Variants in NRXN1 observed in about 807,000 individuals in gnomAD.
NRXN1 encodes the protein neurexin-1.
In NRXN1, 39 loss-of-function variants were observed where a neutral mutation model predicts 150.9. That is an observed-to-expected ratio of 0.26 (90% CI 0.20 to 0.34). The LOEUF (loss-of-function observed/expected upper bound fraction) is 0.34, where lower values mean the gene tolerates loss of function less well. Among genes scored for constraint, NRXN1 ranks in the 10% least tolerant of loss-of-function variants. The probability of loss-of-function intolerance (pLI) is 1.00; values close to 1 mark genes in which losing one functional copy is unlikely to be tolerated. For synonymous variants in NRXN1, 924 were observed against 757.0 expected (o/e 1.22, Z -3.62); for missense variants, 1,815 against 1,949.9 (o/e 0.93, Z 1.30).
At chr2:50,355,889 C>G (rs2078773920) in intron 17 of NRXN1, among the ~76,000 whole-genome samples, 1 of 152,096 alleles carries the variant, frequency 6.6e-6, no homozygotes, top group Non-Finnish European at 1.5e-5. Flanking sequence ...AACAAATCCT[C>G]TTCAACTTAC....
rs759434607 is a variant in NRXN1, at chr2:51,026,421, T to C, written c.772+1081A>G. ...TATACAACAGTATTTTCCTTGGTCA[T>C]TGTCATGTAACAGCACCGGCAAAAC... On this transcript the variant is annotated intron_variant, in intron 2 of 22. Transcript: ENST00000401669. 23 of 1,605,124 alleles carry C rather than the reference T, an allele frequency of 1.4e-5. No homozygotes were observed. The East Asian group carries it at 2.9e-4, about 20-fold the overall frequency.
At chr2:50,023,561 G>A (rs1156681505) in intron 21 of NRXN1, 1 of 152,070 alleles carries the variant, frequency 6.6e-6, no homozygotes, top group Non-Finnish European at 1.5e-5. Flanking sequence ...TTAATACAAG[G>A]CTTCATGGAG....
At chr2:50,848,519 G>A (rs1218922368) in intron 5 of NRXN1, among the ~76,000 whole-genome samples, 1 of 152,098 alleles carries the variant, frequency 6.6e-6, no homozygotes, top group African/African-American at 2.4e-5. Context: ...AACAATTTCA[G>A]AGGCGGGAGA....
intron 12 of NRXN1, among the ~76,000 whole-genome samples, chr2:50,523,810 G>A (rs2092866007): frequency 6.6e-6 from 1 of 152,136 alleles, no homozygotes. Context: ...CCAATACTTG[G>A]GCACTGGACT....
intron 5 of NRXN1, among the ~76,000 whole-genome samples, chr2:50,786,411 G>T (rs562308475): frequency 2.0e-5 from 3 of 152,264 alleles, no homozygotes; most frequent in Admixed American, 2.0e-4. Context: ...GTGAAGAAAA[G>T]AATGAAGGAA....
intron 5 of NRXN1, among the ~76,000 whole-genome samples, chr2:50,666,916 CA>C (rs1486137608): frequency 6.3e-4 from 93 of 148,376 alleles, no homozygotes; most frequent in African/African-American, 2.2e-3. Flanking sequence ...TGGTGAAGCT[CA>C]TTTAAAAAAC....
intron 18 of NRXN1, among the ~76,000 whole-genome samples, chr2:50,195,227 G>T (rs548612542): frequency 6.6e-6 from 1 of 152,050 alleles, no homozygotes; most frequent in Non-Finnish European, 1.5e-5. Context: ...TATACATTCC[G>T]CTGGAGAAGC....
At chr2:50,181,159 A>G (rs944762813) in intron 18 of NRXN1, among the ~76,000 whole-genome samples, 1 of 152,118 alleles carries the variant, frequency 6.6e-6, no homozygotes, top group Non-Finnish European at 1.5e-5. Context: ...GGTACATGAC[A>G]TAAGTGCATG....
At position 50,871,467 on chromosome 2, in the gene NRXN1, G is replaced by A. The variant is rs551811741; in HGVS notation, c.832+50402C>T. On this transcript the variant is annotated intron_variant, in intron 5 of 22. Coordinates refer to ENST00000401669, the MANE Select transcript of NRXN1 (RefSeq NM_001330078.2). Reference sequence around the variant, plus strand: ...AACGTAGAAAGTTCTAAAATATTATGATCTCCCTTCAAGCAGGACTTTATA... The same window carrying A: ...AACGTAGAAAGTTCTAAAATATTATAATCTCCCTTCAAGCAGGACTTTATA... Among the ~76,000 whole-genome samples, 12 of 151,882 alleles carry A rather than the reference G, an allele frequency of 7.9e-5. No individual in the cohort carries two copies. In the East Asian group the frequency reaches 2.0e-3, roughly 25 times the overall value.
At chr2:50,204,585 T>C (rs1217106898) in intron 18 of NRXN1, among the ~76,000 whole-genome samples, 4 of 152,102 alleles carry the variant, frequency 2.6e-5, no homozygotes, top group Admixed American at 6.6e-5. Context: ...AGAAGTGTTA[T>C]ATGAATTGAT....
At chr2:50,775,706 A>C (rs1374694613) in intron 5 of NRXN1, among the ~76,000 whole-genome samples, 1 of 152,196 alleles carries the variant, frequency 6.6e-6, no homozygotes, top group Non-Finnish European at 1.5e-5. Context: ...CACTTAATGA[A>C]TAAATTGAAA....
intron 17 of NRXN1, among the ~76,000 whole-genome samples, chr2:50,426,677 G>A (rs551947998): frequency 4.6e-5 from 7 of 152,236 alleles, no homozygotes; most frequent in Admixed American, 3.9e-4. Flanking sequence ...GAGGGATGCA[G>A]TTATTTTTGT....
At chr2:50,189,613 T>A (rs1454048298) in intron 18 of NRXN1, among the ~76,000 whole-genome samples, 1 of 152,160 alleles carries the variant, frequency 6.6e-6, no homozygotes, top group African/African-American at 2.4e-5. Context: ...TCAGTATATC[T>A]TGGTGGCAAA....
At chr2:50,663,016 G>A (rs574674764) in intron 5 of NRXN1, among the ~76,000 whole-genome samples, 3 of 152,078 alleles carry the variant, frequency 2.0e-5, no homozygotes, top group Admixed American at 1.3e-4. Flanking sequence ...AAATCATTAG[G>A]ATGCATGGAG....
chr2:50,778,214 C>T lies in NRXN1; in HGVS notation c.832+143655G>A, dbSNP rs1201531309. ...AGGATGTAAAAACAATGAGTCATTACAGGTGTGTCTGCCTTTTTCATTAAA... is the reference window on the plus strand; with the variant it reads ...AGGATGTAAAAACAATGAGTCATTATAGGTGTGTCTGCCTTTTTCATTAAA... On this transcript the variant is annotated intron_variant, in intron 5 of 22. Coordinates refer to ENST00000401669, the MANE Select transcript of NRXN1 (RefSeq NM_001330078.2). 4.6e-5 allele frequency among the ~76,000 whole-genome samples: 7 copies of T among 152,126 alleles called. No homozygotes were observed. In the South Asian group the frequency reaches 1.0e-3, roughly 23 times the overall value.
chr2:50,806,588 T>C (rs1187447356), intron 5 of NRXN1, among the ~76,000 whole-genome samples: 2 of 152,154 alleles, frequency 1.3e-5, no homozygotes, highest in African/African-American at 4.8e-5. Context: ...TTGAATATCT[T>C]TCAGTAATTT....
chr2:50,444,483 G>T (rs1216333591), intron 17 of NRXN1, among the ~76,000 whole-genome samples: 1 of 152,072 alleles, frequency 6.6e-6, no homozygotes, highest in Non-Finnish European at 1.5e-5. Context: ...TGAGTCATAG[G>T]ATTTATGCAT....
At chr2:50,585,761 G>C (rs938198386) in intron 8 of NRXN1, among the ~76,000 whole-genome samples, 1 of 151,916 alleles carries the variant, frequency 6.6e-6, no homozygotes, top group African/African-American at 2.4e-5. Context: ...TTTTTGATGG[G>C]GCCTCAGTCA....
At chr2:50,300,373 C>T (rs946352924) in intron 17 of NRXN1, among the ~76,000 whole-genome samples, 21 of 152,258 alleles carry the variant, frequency 1.4e-4, no homozygotes, top group African/African-American at 4.8e-4. Flanking sequence ...CTCAAGTGTA[C>T]TATGGAAAAA....
Sources: allele counts gnomAD v4.1 joint callset (sites outside exome capture counted in the v4.1 genomes callset), GRCh38; gene constraint gnomAD v4.1.1; transcripts MANE v1.5; gene names NCBI Gene and HGNC (gene_info 2026-07-23, HGNC 2026-07-21).